VDR: variants seen among roughly 807,000 people sequenced by gnomAD.
VDR encodes vitamin D3 receptor.
Under a neutral mutation model 39.7 loss-of-function variants are expected in VDR, and 19 were observed. The observed-to-expected ratio is 0.48, with a 90% CI of 0.33 to 0.70. VDR has a LOEUF of 0.70. Among genes scored for constraint, VDR ranks in the 30% least tolerant of loss-of-function variants. The probability of loss-of-function intolerance (pLI) is 0.02; values close to 1 mark genes in which losing one functional copy is unlikely to be tolerated. For synonymous variants in VDR, 242 were observed against 215.8 expected, an observed-to-expected ratio of 1.12 and a Z score of -1.07; for missense variants, 442 against 570.5, an observed-to-expected ratio of 0.77 and a Z score of 2.29.
chr12:47,862,492 T>C (rs1380488175), intron 4 of VDR, among the ~76,000 whole-genome samples: 1 of 152,214 alleles, frequency 6.6e-6, no homozygotes, highest in African/African-American at 2.4e-5. Flanking sequence ...AATAAAAGTA[T>C]TTACGTATTT....
intron 1 of VDR, chr12:47,899,843 G>T (rs775627032): frequency 2.0e-4 from 192 of 939,876 alleles, no homozygotes; most frequent in Non-Finnish European, 2.3e-4. Context: ...TTACCCCAAA[G>T]AGAAGCTATG....
intron 1 of VDR, 67 bp downstream of exon 1, chr12:47,904,888 A>G: frequency 3.2e-6 from 1 of 312,894 alleles, no homozygotes. Context: ...AGGCCCCGGT[A>G]TCCCAGACGC....
Position 47,842,230 on chromosome 12 carries a change from G to GGTCTGATTCACATTGAGGCAGA in VDR, c.*2494_*2515dup, listed in dbSNP as rs1228970824. 1 of 152,456 alleles carries GGTCTGATTCACATTGAGGCAGA rather than the reference G, an allele frequency of 6.6e-6. No individual in the cohort carries two copies. The highest frequency in any genetic ancestry group is 2.4e-5 in the African/African-American group (1 of 41,446). 9.4% of individuals were successfully genotyped at this position (152,456 alleles called of 1,614,324 possible). On this transcript the variant is annotated 3_prime_UTR_variant, in exon 10 of 10. Coordinates refer to ENST00000549336, the MANE Select transcript of VDR (RefSeq NM_000376.3). ...CCAGGGCCACATCGTGGTGGGGTAG[G>GGTCTGATTCACATTGAGGCAGA]GTCTGATTCACATTGAGGCAGAGGT...
At chr12:47,861,895 C>T (rs968010721) in intron 4 of VDR, among the ~76,000 whole-genome samples, 1 of 152,218 alleles carries the variant, frequency 6.6e-6, no homozygotes, top group African/African-American at 2.4e-5. Flanking sequence ...AGAACAACCA[C>T]AGGAAGAGGA....
chr12:47,847,027 C>T (rs1386195720), intron 7 of VDR, among the ~76,000 whole-genome samples: 1 of 152,080 alleles, frequency 6.6e-6, no homozygotes, highest in East Asian at 1.9e-4. Flanking sequence ...AGTGAAGTAG[C>T]TCAGTTACTA....
At chr12:47,904,518 G>GTCA in intron 1 of VDR, 1 of 1,365,358 alleles carries the variant, frequency 7.3e-7, no homozygotes, top group Non-Finnish European at 9.8e-7. Flanking sequence ...CACCATCACA[G>GTCA]GTGACCATAC....
intron 7 of VDR, 111 bp downstream of exon 7, chr12:47,855,518 TA>T (rs1210694611): frequency 2.2e-6 from 3 of 1,335,476 alleles, no homozygotes; most frequent in African/African-American, 3.0e-5. Flanking sequence ...AGATGCCGTT[TA>T]AAAAAATAAA....
rs140672988 is a variant in VDR at position 47,843,081 on chromosome 12, G to A, written c.*1665C>T. The A allele has an allele frequency of 6.6e-6, 1 of 152,314 alleles. No homozygotes were observed. Among genetic ancestry groups the A allele is most frequent in the African/African-American group, 2.4e-5 (1 of 41,560 alleles). The allele number at this position is 152,314 out of a possible 1,614,324, so 9.4% of individuals were successfully genotyped here. A position where few individuals can be genotyped will look rare whatever the true frequency, so the allele number is the denominator to read the frequency against. On this transcript the variant is annotated 3_prime_UTR_variant, in exon 10 of 10. Coordinates refer to ENST00000549336, the MANE Select transcript of VDR (RefSeq NM_000376.3). ...TTAGACTATAATACAAATGGAGTCT[G>A]AGTCTGAAAACAACTCATATCTAAT...
chr12:47,853,757 A>G (rs1056491698), intron 7 of VDR, among the ~76,000 whole-genome samples: 5 of 152,042 alleles, frequency 3.3e-5, no homozygotes, highest in African/African-American at 7.2e-5. Flanking sequence ...CTCTGTCTCA[A>G]AAAAAATACA....
At chr12:47,858,321 G>T (rs191254889) in intron 4 of VDR, among the ~76,000 whole-genome samples, 2 of 152,302 alleles carry the variant, frequency 1.3e-5, no homozygotes, top group African/African-American at 4.8e-5. Flanking sequence ...CTATGTGGCT[G>T]TCTCCACATC....
intron 3 of VDR, among the ~76,000 whole-genome samples, chr12:47,871,379 T>TCTC: frequency 7.4e-6 from 1 of 134,532 alleles, no homozygotes; most frequent in Admixed American, 7.8e-5. Context: ...CTCTCTCTCT[T>TCTC]CCTTCCTTCC....
At chr12:47,847,187 C>T (rs1001917355) in intron 7 of VDR, among the ~76,000 whole-genome samples, 4 of 152,116 alleles carry the variant, frequency 2.6e-5, no homozygotes, top group Non-Finnish European at 4.4e-5. Context: ...TTCTCCTCCT[C>T]TCCCTCCTAC....
intron 3 of VDR, among the ~76,000 whole-genome samples, chr12:47,868,247 C>A (rs1301113094): frequency 6.6e-6 from 1 of 152,230 alleles, no homozygotes; most frequent in Non-Finnish European, 1.5e-5. Context: ...ACCCAACAGT[C>A]AAGGAAGCAG....
rs551245074 is a variant in VDR, at chr12:47,846,949, G to C, written c.756-141C>G. The C allele has an allele frequency of 2.2e-5, 21 of 973,006 alleles. No individual in the cohort carries two copies. The East Asian group carries it at 2.7e-4, about 13-fold the overall frequency. The allele number at this position is 973,006 out of a possible 1,614,324, so 60.3% of individuals were successfully genotyped here. On this transcript the variant is annotated intron_variant, in intron 7 of 9. Coordinates refer to ENST00000549336, the MANE Select transcript of VDR (RefSeq NM_000376.3). ...CTTTCATCGAGGAGCTTGCAGGCTG[G>C]CTGGAAGGGACAAGAGTGTTCCTTG...
At chr12:47,850,009 C>A (rs541206257) in intron 7 of VDR, among the ~76,000 whole-genome samples, 1 of 152,204 alleles carries the variant, frequency 6.6e-6, no homozygotes, top group South Asian at 2.1e-4. Context: ...TGCCACCACA[C>A]CTGGCTAATT....
In VDR at chr12:47,878,938, C is replaced by T. The variant is rs2137201663; in HGVS notation, c.146+30G>A. ...ACCTTGCTTCTTCTCCCTCCCTTTC[C>T]ACTGGGGAGAGCCTGGGAGGAGGGC... On this transcript the variant is annotated intron_variant, in intron 3 of 9. Coordinates refer to ENST00000549336, the MANE Select transcript of VDR (RefSeq NM_000376.3). 7 of 1,614,100 alleles carry T rather than the reference C, an allele frequency of 4.3e-6. No individual in the cohort carries two copies. The East Asian group carries it at 1.6e-4, about 36-fold the overall frequency.
intron 3 of VDR, among the ~76,000 whole-genome samples, chr12:47,866,997 AAAAAC>A (rs10653597): frequency 6.0e-5 from 9 of 150,032 alleles, no homozygotes; most frequent in South Asian, 4.2e-4. Flanking sequence ...CCCTGTCTCA[AAAAAC>A]AAAACAAAAC....
At chr12:47,850,403 G>A (rs569968649) in intron 7 of VDR, among the ~76,000 whole-genome samples, 3 of 152,200 alleles carry the variant, frequency 2.0e-5, no homozygotes, top group South Asian at 4.1e-4. Flanking sequence ...GCTATCATAG[G>A]TAATTCTGGG....
At chr12:47,896,899 T>G (rs1202877326) in intron 1 of VDR, 1 of 152,128 alleles carries the variant, frequency 6.6e-6, no homozygotes, top group African/African-American at 2.4e-5. Context: ...CCGAAGGTGT[T>G]TTCCAGCATC....
Sources: allele counts gnomAD v4.1 joint callset (sites outside exome capture counted in the v4.1 genomes callset), GRCh38; gene constraint gnomAD v4.1.1; transcripts MANE v1.5; gene names NCBI Gene and HGNC (gene_info 2026-07-23, HGNC 2026-07-21).